Variants in MED17 observed in about 807,000 individuals in gnomAD.
MED17 encodes the protein mediator complex subunit 17.
In MED17, 49 loss-of-function variants were observed where a neutral mutation model predicts 80.8. The observed-to-expected ratio is 0.61, with a 90% CI of 0.48 to 0.77. The LOEUF is 0.77. Ranked by LOEUF, MED17 falls within the 30% of genes least tolerant of loss-of-function variation. The pLI, the probability that MED17 is intolerant of heterozygous loss-of-function variation, is 0.00. For missense variants in MED17, 718 were observed against 787.0 expected, an observed-to-expected ratio of 0.91 and a Z score of 1.05; for synonymous variants, 281 against 280.4, an observed-to-expected ratio of 1.00 and a Z score of -0.02.
intron 10 of MED17, chr11:93,807,960 T>C: frequency 2.9e-6 from 1 of 348,302 alleles, no homozygotes; most frequent in Non-Finnish European, 5.4e-6. Flanking sequence ...AGAGTTGTTG[T>C]AGAAAGTGAA....
chr11:93,803,597 G>T (rs1237267831), intron 9 of MED17, among the ~76,000 whole-genome samples: 1 of 152,066 alleles, frequency 6.6e-6, no homozygotes, highest in East Asian at 1.9e-4. Context: ...GGGATTATAG[G>T]CTTTCATTAT....
rs1042742619 is a variant in MED17, at chr11:93,791,714, A to C, written c.637+921A>C. On this transcript the variant is annotated intron_variant, in intron 3 of 11. Transcript: ENST00000251871. ...CTCAAAAAAAACCCCAAAAAAAACC[A>C]AACGAAAACTGGACATGATGCAATT... Among the ~76,000 whole-genome samples the C allele has an allele frequency of 4.6e-5, 7 of 152,184 alleles. 1 individual carries two copies. In the South Asian group the frequency reaches 8.3e-4, roughly 18 times the overall value.
intron 3 of MED17, among the ~76,000 whole-genome samples, chr11:93,792,819 C>A (rs557739604): frequency 2.0e-5 from 3 of 152,032 alleles, no homozygotes; most frequent in Non-Finnish European, 2.9e-5. Context: ...CATGTACCTG[C>A]AGTCCTAGTT....
At position 93,784,781 on chromosome 11, in the gene MED17, T is replaced by C; in HGVS notation, c.250+18T>C. ...CGAGGAAGGTAAGGCCTGCATCCGC[T>C]GCCCGAGTCCCCCGGTCTGGGTCCC... is the stretch of plus-strand genomic sequence containing the variant. On this transcript the variant is annotated intron_variant, in intron 1 of 11. Transcript: ENST00000251871. 1.3e-6 allele frequency: 2 copies of C among 1,535,048 alleles called. No homozygotes were observed. The highest frequency in any genetic ancestry group is 1.7e-6 in the Non-Finnish European group (2 of 1,146,944).
chr11:93,803,650 C>CTT (rs1943985537), intron 9 of MED17, among the ~76,000 whole-genome samples: 1 of 152,008 alleles, frequency 6.6e-6, no homozygotes, highest in Admixed American at 6.6e-5. Context: ...GCCAGTAAGC[C>CTT]TTTTGCCCTC....
At chr11:93,788,457 A>C (rs1022992785) in intron 2 of MED17, 1 of 290,090 alleles carries the variant, frequency 3.4e-6, no homozygotes, top group East Asian at 9.1e-5. Context: ...CAAGGCGGGC[A>C]GATCACGAGG....
intron 7 of MED17, 55 bp from the exon 8 acceptor site, chr11:93,797,480 A>T: frequency 6.8e-7 from 1 of 1,474,068 alleles, no homozygotes; most frequent in Non-Finnish European, 9.5e-7. Flanking sequence ...TTGACTAAAT[A>T]TTATGTAGCA....
Position 93,784,332 on chromosome 11 carries a change from G to C in MED17, c.-182G>C, listed in dbSNP as rs1031094148. 1.0e-5 allele frequency: 8 copies of C among 793,906 alleles called. No homozygotes were observed. Among genetic ancestry groups the C allele is most frequent in the Middle Eastern group, 3.8e-4 (1 of 2,658 alleles). The allele number at this position is 793,906 out of a possible 1,614,324, so 49.2% of individuals were successfully genotyped here. A position where few individuals can be genotyped will look rare whatever the true frequency, so the allele number is the denominator to read the frequency against. On this transcript the variant is annotated 5_prime_UTR_variant, in exon 1 of 12. Coordinates refer to ENST00000251871, the MANE Select transcript of MED17 (RefSeq NM_004268.5). ...GGAGGGAGCTTGCGGTGCGTTCTGG[G>C]AAAGTTGCTGGGCCAGCTCCTTTGT... is the stretch of plus-strand genomic sequence containing the variant.
rs1944029009 is a variant in MED17 at position 93,806,728 on chromosome 11, G to C, written c.1467-790G>C. 2.6e-5 allele frequency: 4 copies of C among 152,166 alleles called. No individual in the cohort carries two copies. In the South Asian group the frequency reaches 8.3e-4, roughly 31 times the overall value. 9.4% of individuals were successfully genotyped at this position (152,166 alleles called of 1,614,324 possible). On this transcript the variant is annotated intron_variant, in intron 9 of 11. Transcript: ENST00000251871. ...GTATTACTAGGCAACATTGCTTATAGTAAAAATGATCTCAAATTGGTAAAA... is the reference window on the plus strand; with the variant it reads ...GTATTACTAGGCAACATTGCTTATACTAAAAATGATCTCAAATTGGTAAAA...
intron 2 of MED17, chr11:93,790,219 T>A: frequency 2.7e-6 from 1 of 368,022 alleles, no homozygotes; most frequent in East Asian, 7.2e-5. Context: ...GTATAATGAG[T>A]GCCAAAAAGG....
rs577179548 is a variant in MED17 at position 93,792,948 on chromosome 11, A to G, written c.638-780A>G. On this transcript the variant is annotated intron_variant, in intron 3 of 11. Transcript: ENST00000251871. Reference sequence around the variant, plus strand: ...AGAGGGAGACCTTGTCTCTAAAAAGATAATAAAAAATAAAAAATCTAGGAA... The same window carrying G: ...AGAGGGAGACCTTGTCTCTAAAAAGGTAATAAAAAATAAAAAATCTAGGAA... Among the ~76,000 whole-genome samples, 31 of 152,008 alleles carry G rather than the reference A, an allele frequency of 2.0e-4. 1 individual carries two copies. In the Middle Eastern group the frequency reaches 0.01, roughly 50 times the overall value.
Position 93,794,719 on chromosome 11 carries a change from G to A in MED17, c.860-189G>A, listed in dbSNP as rs565054127. On this transcript the variant is annotated intron_variant, in intron 5 of 11. Transcript: ENST00000251871. ...GTGGGGAACTTCTCAATACCCTGCC[G>A]GGATGATTTGTAACACAGTTGGCAT... 469 of 619,722 alleles carry A rather than the reference G, an allele frequency of 7.6e-4. 4 individuals are homozygous for A. The African/African-American group carries it at 7.8e-3, about 10-fold the overall frequency. The allele number at this position is 619,722 out of a possible 1,614,324, so 38.4% of individuals were successfully genotyped here.
intron 1 of MED17, among the ~76,000 whole-genome samples, chr11:93,787,146 G>A (rs938427355): frequency 6.6e-6 from 1 of 152,168 alleles, no homozygotes; most frequent in Non-Finnish European, 1.5e-5. Flanking sequence ...GGGCGCAGTG[G>A]CTCACGTCTG....
In MED17 at chr11:93,809,650, G is replaced by C. The variant is rs74438301; in HGVS notation, c.1585-67G>C. 2.9e-5 allele frequency: 45 copies of C among 1,556,318 alleles called. No individual in the cohort carries two copies. The East Asian group carries it at 9.4e-4, about 33-fold the overall frequency. On this transcript the variant is annotated intron_variant, in intron 10 of 11. Transcript: ENST00000251871. ...CACCCCAACAAAAGTTTACTTCATG[G>C]TCGTGATGTTAAGTCACTGCAGATA... is the stretch of plus-strand genomic sequence containing the variant.
chr11:93,801,908 A>C lies in MED17; in HGVS notation c.1402A>C (p.Asn468His). The change falls in exon 9 of 12, where the codon AAT (asparagine) becomes CAT (histidine). Residue 468 changes from asparagine to histidine, a missense_variant. Coordinates refer to ENST00000251871, the MANE Select transcript of MED17 (RefSeq NM_004268.5). ...PQIQAHWSNI[N>H]DVYESSVKVL... ...GATACAGGCTCATTGGTCAAATATC[A>C]ATGATGTTTATGAATCTAGTGTGAA... The C allele has an allele frequency of 6.2e-7, 1 of 1,613,380 alleles. No homozygotes were observed. Among genetic ancestry groups the C allele is most frequent in the Non-Finnish European group, 8.5e-7 (1 of 1,179,692 alleles).
chr11:93,784,649 C>T lies in MED17; in HGVS notation c.136C>T (p.Arg46Trp). 6.4e-7 allele frequency: 1 copy of T among 1,572,210 alleles called. No homozygotes were observed. Among genetic ancestry groups the T allele is most frequent in the South Asian group, 1.2e-5 (1 of 86,016 alleles). Residue 46 changes from arginine to tryptophan, a missense_variant, in exon 1 of 12, where the codon CGG becomes TGG. Coordinates refer to ENST00000251871, the MANE Select transcript of MED17 (RefSeq NM_004268.5). ...GCAGAATCTGGCGCGTCTGGCCCAG[C>T]GGATAGACTTCAGCCAGGGTTCGGG... ...MSQNLARLAQRIDFSQGSGSE... is the reference protein window; with the variant it reads ...MSQNLARLAQWIDFSQGSGSE...
At chr11:93,807,389 G>C (rs1417873651) in intron 9 of MED17, 129 bp from the exon 10 acceptor site, 1 of 682,914 alleles carries the variant, frequency 1.5e-6, no homozygotes, top group South Asian at 1.6e-5. Flanking sequence ...CTCCAGCCTG[G>C]GCAACAGGCT....
chr11:93,790,473 T>G, intron 2 of MED17, 101 bp from the exon 3 acceptor site: 1 of 1,008,026 alleles, frequency 9.9e-7, no homozygotes, highest in Non-Finnish European at 1.5e-6. Flanking sequence ...TTGCCCCTCC[T>G]TTTTGCTTTT....
rs796865305 is a variant in MED17, at chr11:93,807,436, T to G, written c.1467-82T>G. The G allele has an allele frequency of 1.5e-5, 13 of 853,128 alleles. No homozygotes were observed. The African/African-American group carries it at 1.7e-4, about 11-fold the overall frequency. The allele number at this position is 853,128 out of a possible 1,614,324, so 52.8% of individuals were successfully genotyped here. ...TCTAAAAAATAATAATATTTTCTAA[T>G]TTGATGTTAACGTTTATTATTTATG... On this transcript the variant is annotated intron_variant, in intron 9 of 11. Coordinates refer to ENST00000251871, the MANE Select transcript of MED17 (RefSeq NM_004268.5).
Sources: gnomAD v4.1 joint callset for allele counts (sites outside exome capture counted in the v4.1 genomes callset) on GRCh38, gnomAD v4.1.1 for gene constraint, MANE v1.5 for transcripts, NCBI Gene and HGNC (gene_info 2026-07-23, HGNC 2026-07-21) for gene names.